ARL6IP1: variants seen among roughly 807,000 people sequenced by gnomAD.
ARL6IP1 encodes the protein ADP-ribosylation factor-like protein 6-interacting protein 1.
ARL6IP1 carries 16 observed loss-of-function variants against 30.1 expected under a neutral mutation model. The ratio of observed to expected loss-of-function variants is 0.53; its 90% CI spans 0.36 to 0.81. The LOEUF is 0.81. Ranked by LOEUF, ARL6IP1 falls within the 30% of genes least tolerant of loss-of-function variation. The pLI is 0.01. For missense variants in ARL6IP1, 173 were observed against 242.7 expected (o/e 0.71, Z 1.91); for synonymous variants, 72 against 84.8 (o/e 0.85, Z 0.83).
chr16:18,794,598 C>T lies in ARL6IP1; in HGVS notation c.493+1G>A, dbSNP rs2141868867. 6.2e-7 allele frequency: 1 copy of T among 1,612,068 alleles called. No individual in the cohort carries two copies. Among genetic ancestry groups the T allele is most frequent in the Middle Eastern group, 1.7e-4 (1 of 6,052 alleles). ...CCTGTAGTTTTTCCTCAAAGACTTA[C>T]CTATCAGGTAGGTGAGAAGCAGGTT... On this transcript the variant is annotated splice_donor_variant, in intron 5 of 5. Coordinates refer to ENST00000304414, the MANE Select transcript of ARL6IP1 (RefSeq NM_015161.3). LOFTEE classifies it high-confidence loss of function.
Position 18,792,999 on chromosome 16 carries a change from C to T in ARL6IP1, c.*253G>A, listed in dbSNP as rs886457921. On this transcript the variant is annotated 3_prime_UTR_variant, in exon 6 of 6. Transcript: ENST00000304414. ...TGTCTAAAAGCAAGAATTCAATTAA[C>T]GCTGGGTAAGAAAAGTCAAAACACT... 4.5e-5 allele frequency: 14 copies of T among 309,102 alleles called. No individual in the cohort carries two copies. Among genetic ancestry groups the T allele is most frequent in the Admixed American group, 3.5e-4 (7 of 19,968 alleles). The allele number at this position is 309,102 out of a possible 1,614,324, so 19.1% of individuals were successfully genotyped here.
rs183729877 is a variant in ARL6IP1 at position 18,793,576 on chromosome 16, C to G, written c.494-206G>C. ...CTACCCAAGTAGCTGGGATTACAGG[C>G]ATGCGCCACTACGCCTGACTAATTT... On this transcript the variant is annotated intron_variant, in intron 5 of 5. Coordinates refer to ENST00000304414, the MANE Select transcript of ARL6IP1 (RefSeq NM_015161.3). Among the ~76,000 whole-genome samples, 236 of 150,678 alleles carry G rather than the reference C, an allele frequency of 1.6e-3. 3 individuals are homozygous for G. Among genetic ancestry groups the G allele is most frequent in the African/African-American group, 5.2e-3 (214 of 40,910 alleles).
Position 18,800,182 on chromosome 16 carries a change from C to T in ARL6IP1, c.36+1249G>A, listed in dbSNP as rs145546927. The stretch of plus-strand genomic sequence containing the variant: ...TGCTTAATACTAGTGAAAGAGACTA[C>T]TATGTGTGGGCACTCTGCTGAGCAT... On this transcript the variant is annotated intron_variant, in intron 1 of 5. Transcript: ENST00000304414. Among the ~76,000 whole-genome samples, 14 of 152,272 alleles carry T rather than the reference C, an allele frequency of 9.2e-5. No individual in the cohort carries two copies. The East Asian group carries it at 2.7e-3, about 29-fold the overall frequency.
At chr16:18,795,016 CTTTTTTT>C (rs35734251) in intron 4 of ARL6IP1, among the ~76,000 whole-genome samples, 1 of 133,286 alleles carries the variant, frequency 7.5e-6, no homozygotes, top group Admixed American at 7.7e-5. Flanking sequence ...AGATGCTTTC[CTTTTTTT>C]TTTTTTTTTT....
intron 1 of ARL6IP1, among the ~76,000 whole-genome samples, chr16:18,800,000 G>C (rs756081002): frequency 6.6e-6 from 1 of 152,146 alleles, no homozygotes; most frequent in East Asian, 1.9e-4. Context: ...CCAGGAGATC[G>C]GGACCAGCCT....
intron 3 of ARL6IP1, 57 bp downstream of exon 3, chr16:18,797,868 G>T: frequency 6.3e-7 from 1 of 1,580,850 alleles, no homozygotes; most frequent in Non-Finnish European, 8.6e-7. Flanking sequence ...ACTAATCACA[G>T]CCACCAAGTT....
chr16:18,796,300 A>G (rs1205460959), intron 3 of ARL6IP1, among the ~76,000 whole-genome samples: 1 of 152,050 alleles, frequency 6.6e-6, no homozygotes, highest in Non-Finnish European at 1.5e-5. Context: ...GTGCTGAGGG[A>G]TGTGTTGCCT....
chr16:18,797,779 A>G (rs2030285757), intron 3 of ARL6IP1, 146 bp downstream of exon 3: 1 of 1,014,798 alleles, frequency 9.9e-7, no homozygotes, highest in Non-Finnish European at 1.4e-6. Context: ...ATCAGTTACA[A>G]TATTCTTCAC....
At chr16:18,795,995 T>C (rs566063394) in intron 3 of ARL6IP1, among the ~76,000 whole-genome samples, 1 of 152,328 alleles carries the variant, frequency 6.6e-6, no homozygotes, top group Non-Finnish European at 1.5e-5. Context: ...AACAACTGTA[T>C]TTGAACACTC....
intron 1 of ARL6IP1, among the ~76,000 whole-genome samples, chr16:18,800,243 C>G (rs62046278): frequency 0.015 from 2,265 of 152,240 alleles, 23 homozygotes; most frequent in Non-Finnish European, 0.022. Flanking sequence ...CCTAACAACC[C>G]TTAAAAAAAG....
At chr16:18,798,144 A>G (rs1410615497) in intron 2 of ARL6IP1, 100 bp from the exon 3 acceptor site, 5 of 1,190,984 alleles carry the variant, frequency 4.2e-6, no homozygotes, top group Non-Finnish European at 5.7e-6. Flanking sequence ...ACCGCCTCTC[A>G]GAGATATTTG....
At position 18,793,132 on chromosome 16, in the gene ARL6IP1, G is replaced by T; in HGVS notation, c.*120C>A. ...GCGAGTCTGAATTTCTATTAACTAA[G>T]GGCAGAGTGAGGGAGAACAAAGAGC... On this transcript the variant is annotated 3_prime_UTR_variant, in exon 6 of 6. Coordinates refer to ENST00000304414, the MANE Select transcript of ARL6IP1 (RefSeq NM_015161.3). 3.0e-6 allele frequency: 2 copies of T among 658,336 alleles called. No individual in the cohort carries two copies. The highest frequency in any genetic ancestry group is 2.6e-6 in the Non-Finnish European group (1 of 383,366). The allele number at this position is 658,336 out of a possible 1,614,324, so 40.8% of individuals were successfully genotyped here. A position where few individuals can be genotyped will look rare whatever the true frequency, so the allele number is the denominator to read the frequency against.
intron 5 of ARL6IP1, 77 bp downstream of exon 5, chr16:18,794,522 T>C: frequency 9.8e-7 from 1 of 1,017,960 alleles, no homozygotes; most frequent in Non-Finnish European, 1.5e-6. Flanking sequence ...TTAGGAAGTA[T>C]TCAGCTGTTT....
rs192910252 is a variant in ARL6IP1 at position 18,792,962 on chromosome 16, C to G, written c.*290G>C. 17 of 237,778 alleles carry G rather than the reference C, an allele frequency of 7.1e-5. No homozygotes were observed. The highest frequency in any genetic ancestry group is 3.2e-4 in the African/African-American group (14 of 44,138). The allele number at this position is 237,778 out of a possible 1,614,324, so 14.7% of individuals were successfully genotyped here. On this transcript the variant is annotated 3_prime_UTR_variant, in exon 6 of 6. Transcript: ENST00000304414. ...TACTAAAGGGCAAGGTTCACCACTA[C>G]AAAAAGGAAGTTGTCTAAAAGCAAG...
intron 3 of ARL6IP1, among the ~76,000 whole-genome samples, chr16:18,797,252 G>C (rs2141871762): frequency 6.6e-6 from 1 of 151,900 alleles, no homozygotes; most frequent in African/African-American, 2.4e-5. Context: ...AGGTGTGGTG[G>C]TGGGCACCTG....
intron 3 of ARL6IP1, among the ~76,000 whole-genome samples, chr16:18,796,217 C>T (rs1341164336): frequency 1.3e-5 from 2 of 152,144 alleles, no homozygotes; most frequent in Non-Finnish European, 2.9e-5. Flanking sequence ...TAATGTTTTT[C>T]TTGGTTCTGA....
chr16:18,799,301 C>T (rs1567292874), intron 1 of ARL6IP1, among the ~76,000 whole-genome samples: 1 of 152,218 alleles, frequency 6.6e-6, no homozygotes, highest in Non-Finnish European at 1.5e-5. Flanking sequence ...TGTGAGCCAC[C>T]AGGCCCAGCC....
chr16:18,801,539 A>G lies in ARL6IP1; in HGVS notation c.-73T>C, dbSNP rs1046781866. Reference sequence around the variant, plus strand: ...GTCCTCCAACCGAAACCCGCACACCAACCACAACCCGAGGGAACGCCCCGC... The same window carrying G: ...GTCCTCCAACCGAAACCCGCACACCGACCACAACCCGAGGGAACGCCCCGC... On this transcript the variant is annotated 5_prime_UTR_variant, in exon 1 of 6. Transcript: ENST00000304414. 9 of 1,578,104 alleles carry G rather than the reference A, an allele frequency of 5.7e-6. No individual in the cohort carries two copies. The East Asian group carries it at 6.9e-5, about 12-fold the overall frequency.
chr16:18,801,450 T>C lies in ARL6IP1; in HGVS notation c.17A>G (p.Asn6Ser), dbSNP rs534190527. 3.4e-5 allele frequency: 55 copies of C among 1,612,904 alleles called. No individual in the cohort carries two copies. In the South Asian group the frequency reaches 4.4e-4, roughly 13 times the overall value. ...ACTCACCAGCAGGTTGGTGCTGCGA[T>C]TATCTCCCTCCGCCATCGTCTCGGG... MAEGD[N>S]RSTNLLAAET... The change falls in exon 1 of 6, where the codon AAT becomes AGT. Residue 6 changes from asparagine (N) to serine (S), a missense_variant. Asn to Ser is a conservative substitution (Grantham distance 46, BLOSUM62 1). Coordinates refer to ENST00000304414, the MANE Select transcript of ARL6IP1 (RefSeq NM_015161.3).
Sources: allele counts gnomAD v4.1 joint callset (sites outside exome capture counted in the v4.1 genomes callset), GRCh38; gene constraint gnomAD v4.1.1; transcripts MANE v1.5; gene names NCBI Gene and HGNC (gene_info 2026-07-23, HGNC 2026-07-21).